PDE4D: variants seen among roughly 807,000 people sequenced by gnomAD.
PDE4D encodes 3',5'-cyclic-AMP phosphodiesterase 4D.
PDE4D carries 24 observed loss-of-function variants against 87.4 expected under a neutral mutation model. The ratio of observed to expected loss-of-function variants is 0.27; its 90% CI spans 0.20 to 0.39. The LOEUF is 0.39. Ranked by LOEUF, PDE4D falls within the 10% of genes least tolerant of loss-of-function variation. The pLI, the probability that PDE4D is intolerant of heterozygous loss-of-function variation, is 1.00. For missense variants in PDE4D, 714 were observed against 1,041.0 expected, an observed-to-expected ratio of 0.69 and a Z score of 4.32; for synonymous variants, 384 against 383.2, an observed-to-expected ratio of 1.00 and a Z score of -0.02.
chr5:59,759,796 C>T (rs936582355), intron 1 of PDE4D, among the ~76,000 whole-genome samples: 1 of 152,176 alleles, frequency 6.6e-6, no homozygotes, highest in African/African-American at 2.4e-5. Context: ...CAGAAACTTG[C>T]TCCCCACCTT....
At chr5:60,010,135 T>C (rs1400942925) in intron 2 of PDE4D, among the ~76,000 whole-genome samples, 1 of 152,108 alleles carries the variant, frequency 6.6e-6, no homozygotes, top group Non-Finnish European at 1.5e-5. Flanking sequence ...GAATTCACTT[T>C]CCTCTTCTTC....
intron 1 of PDE4D, among the ~76,000 whole-genome samples, chr5:59,466,974 G>A (rs80156542): frequency 4.9e-4 from 75 of 152,298 alleles, no homozygotes; most frequent in African/African-American, 1.1e-3. Flanking sequence ...AGGGTTTAAA[G>A]GAGGTGATTA....
At chr5:59,880,734 A>C (rs1749311267) in intron 1 of PDE4D, among the ~76,000 whole-genome samples, 1 of 152,214 alleles carries the variant, frequency 6.6e-6, no homozygotes, top group African/African-American at 2.4e-5. Context: ...ATCACATTCT[A>C]CCAGGGAGTA....
intron 5 of PDE4D, among the ~76,000 whole-genome samples, chr5:59,092,186 G>A (rs1768871103): frequency 6.6e-6 from 1 of 152,096 alleles, no homozygotes; most frequent in Non-Finnish European, 1.5e-5. Flanking sequence ...ATAATTCAAA[G>A]GCATACTTTG....
At chr5:59,283,212 T>C (rs965696201) in intron 1 of PDE4D, among the ~76,000 whole-genome samples, 2 of 152,160 alleles carry the variant, frequency 1.3e-5, no homozygotes, top group Non-Finnish European at 2.9e-5. Context: ...AAAAGAGTAA[T>C]CAATAAGCTA....
At chr5:59,687,106 C>T (rs923655163) in intron 1 of PDE4D, among the ~76,000 whole-genome samples, 2 of 152,036 alleles carry the variant, frequency 1.3e-5, no homozygotes, top group African/African-American at 4.8e-5. Context: ...ATACTCAGCA[C>T]CTCAAATTCA....
intron 1 of PDE4D, among the ~76,000 whole-genome samples, chr5:59,688,105 C>T (rs1486591344): frequency 6.6e-6 from 1 of 152,064 alleles, no homozygotes; most frequent in African/African-American, 2.4e-5. Flanking sequence ...CTTAGACTCC[C>T]ACACAATAAT....
At chr5:59,585,272 T>C (rs1488521166) in intron 1 of PDE4D, among the ~76,000 whole-genome samples, 1 of 152,220 alleles carries the variant, frequency 6.6e-6, no homozygotes, top group African/African-American at 2.4e-5. Context: ...CCGAAAACTC[T>C]GTAACAAACC....
chr5:59,862,094 C>T (rs989600942), intron 1 of PDE4D, among the ~76,000 whole-genome samples: 1 of 152,120 alleles, frequency 6.6e-6, no homozygotes, highest in Non-Finnish European at 1.5e-5. Context: ...GCTGAGCATC[C>T]CAAATGCAGT....
chr5:59,854,691 G>C (rs2152722271), intron 1 of PDE4D, among the ~76,000 whole-genome samples: 1 of 151,992 alleles, frequency 6.6e-6, no homozygotes, highest in East Asian at 1.9e-4. Flanking sequence ...TTTTATCCCA[G>C]TAGTATTATT....
intron 1 of PDE4D, among the ~76,000 whole-genome samples, chr5:59,700,421 A>G (rs151013804): frequency 8.2e-4 from 125 of 152,364 alleles, no homozygotes; most frequent in African/African-American, 2.8e-3. Flanking sequence ...AAAATGGGTA[A>G]GAATGTGACT....
In PDE4D at chr5:60,502,067, A is replaced by AGTCCTT. The variant is rs1453285049; in HGVS notation, n.70+19978_70+19983dup. 4.5e-3 allele frequency among the ~76,000 whole-genome samples: 689 copies of AGTCCTT among 152,100 alleles called. 6 individuals carry two copies. The highest frequency in any genetic ancestry group is 0.016 in the African/African-American group (667 of 41,502). ...ATTGCTTTTGGTGTTTTAGACATGA[A>AGTCCTT]GTCCTTGCCCATGCCTATGTCCTGA... On this transcript the variant is annotated intron_variant and non_coding_transcript_variant, in intron 1 of 2. Coordinates refer to the PDE4D transcript ENST00000506510.
At chr5:60,436,321 C>CAGTT (rs1277822119) in intron 1 of PDE4D, among the ~76,000 whole-genome samples, 2 of 151,992 alleles carry the variant, frequency 1.3e-5, no homozygotes, top group Non-Finnish European at 2.9e-5. Context: ...AGTCAAAAAT[C>CAGTT]AGTTAGACTG....
chr5:59,426,255 T>A (rs1795190288), intron 1 of PDE4D, among the ~76,000 whole-genome samples: 1 of 152,202 alleles, frequency 6.6e-6, no homozygotes, highest in South Asian at 2.1e-4. Flanking sequence ...ATCTGTAGTA[T>A]TTTCTTATGA....
At chr5:59,221,835 G>T (rs1236321985) in intron 1 of PDE4D, among the ~76,000 whole-genome samples, 1 of 152,122 alleles carries the variant, frequency 6.6e-6, no homozygotes, top group Non-Finnish European at 1.5e-5. Flanking sequence ...AACTAAGTGA[G>T]GTGCTTTCTT....
intron 1 of PDE4D, among the ~76,000 whole-genome samples, chr5:59,567,133 G>A (rs536245058): frequency 6.6e-6 from 1 of 152,266 alleles, no homozygotes; most frequent in South Asian, 2.1e-4. Flanking sequence ...TTCATTGAAA[G>A]TATGGCTCAT....
chr5:59,215,952 C>A lies in PDE4D; in HGVS notation c.472G>T (p.Gly158Cys). ...AAGGGACTCCGTCCCGCAGATGTGCCATTGTCCACATCAAAACTGTAAAGG... is the reference window on the plus strand; with the variant it reads ...AAGGGACTCCGTCCCGCAGATGTGCAATTGTCCACATCAAAACTGTAAAGG... ...QGLRRFDVDNGTSAGRSPLDP... is the reference protein window; with the variant it reads ...QGLRRFDVDNCTSAGRSPLDP... The change falls in exon 2 of 15, where the codon GGC becomes TGC. Residue 158 changes from glycine (G) to cysteine (C), a missense_variant. Gly to Cys is a radical substitution (Grantham distance 159, BLOSUM62 -3). Transcript: ENST00000340635. 1 of 1,610,702 alleles carries A rather than the reference C, an allele frequency of 6.2e-7. No individual in the cohort carries two copies. Among genetic ancestry groups the A allele is most frequent in the South Asian group, 1.1e-5 (1 of 90,862 alleles).
rs929991721 is a variant in PDE4D at position 60,518,632 on chromosome 5, G to A, written n.70+3419C>T. Among the ~76,000 whole-genome samples the A allele has an allele frequency of 8.5e-5, 13 of 152,250 alleles. No homozygotes were observed. The South Asian group carries it at 2.5e-3, about 29-fold the overall frequency. ...ACACACACTCAAGGTAAACAGATGCGTGAACTCCCACAGCCTTTACCTGAC... is the reference window on the plus strand; with the variant it reads ...ACACACACTCAAGGTAAACAGATGCATGAACTCCCACAGCCTTTACCTGAC... On this transcript the variant is annotated intron_variant and non_coding_transcript_variant, in intron 1 of 2. Coordinates refer to the PDE4D transcript ENST00000506510.
intron 1 of PDE4D, among the ~76,000 whole-genome samples, chr5:59,738,427 A>G (rs1480219054): frequency 1.3e-5 from 2 of 152,138 alleles, no homozygotes; most frequent in Admixed American, 1.3e-4. Context: ...TAAAACATAT[A>G]AAATGCAATC....
Sources: gnomAD v4.1 joint callset for allele counts (sites outside exome capture counted in the v4.1 genomes callset) on GRCh38, gnomAD v4.1.1 for gene constraint, MANE v1.5 for transcripts, NCBI Gene and HGNC (gene_info 2026-07-23, HGNC 2026-07-21) for gene names.